Variants in FBXO4 observed in about 807,000 individuals in gnomAD.
FBXO4 encodes F-box only protein 4.
Under a neutral mutation model 43.7 loss-of-function variants are expected in FBXO4, and 36 were observed. The ratio of observed to expected loss-of-function variants is 0.82; its 90% CI spans 0.63 to 1.09. The LOEUF (loss-of-function observed/expected upper bound fraction) is 1.09, where lower values mean the gene tolerates loss of function less well. FBXO4 is among the 50% of genes least tolerant of loss of function. The pLI, the probability that FBXO4 is intolerant of heterozygous loss-of-function variation, is 0.00. For synonymous variants in FBXO4, 180 were observed against 165.6 expected (o/e 1.09, Z -0.67); for missense variants, 435 against 474.1 (o/e 0.92, Z 0.77).
the FBXO4 span, among the ~76,000 whole-genome samples, chr5:41,973,806 G>A: frequency 3.3e-5 from 5 of 152,192 alleles, no homozygotes; most frequent in Admixed American, 2.6e-4. Context: ...AATACATAAT[G>A]GGTTGATAAT....
chr5:41,927,585 A>C (rs1286432889), intron 2 of FBXO4, among the ~76,000 whole-genome samples: 1 of 152,244 alleles, frequency 6.6e-6, no homozygotes, highest in Non-Finnish European at 1.5e-5. Flanking sequence ...AAGGATGATC[A>C]GAGACCCCTG....
chr5:41,996,372 C>T, the FBXO4 span, among the ~76,000 whole-genome samples: 10 of 152,154 alleles, frequency 6.6e-5, no homozygotes, highest in Non-Finnish European at 1.0e-4. Flanking sequence ...CAAGAGCTGT[C>T]ACTCAAAAGG....
chr5:41,936,861 C>T (rs773319588), intron 5 of FBXO4, among the ~76,000 whole-genome samples: 1 of 150,550 alleles, frequency 6.6e-6, no homozygotes, highest in African/African-American at 2.4e-5. Context: ...CTTAAAGGGA[C>T]AAATAGTAAA....
At chr5:41,944,121 G>A (rs917972586), downstream of FBXO4, among the ~76,000 whole-genome samples, 2 of 152,140 alleles carry the variant, frequency 1.3e-5, no homozygotes, top group Non-Finnish European at 2.9e-5. Flanking sequence ...CACTAAAATG[G>A]TAACCCAATG....
At chr5:41,957,744 T>C in the FBXO4 span, among the ~76,000 whole-genome samples, 112 of 151,982 alleles carry the variant, frequency 7.4e-4, no homozygotes, top group East Asian at 1.9e-4. Flanking sequence ...TTGTTGACTT[T>C]TTCCTCTCTT....
the FBXO4 span, among the ~76,000 whole-genome samples, chr5:42,020,673 T>C: frequency 6.6e-6 from 1 of 152,192 alleles, no homozygotes; most frequent in Non-Finnish European, 1.5e-5. Flanking sequence ...AGCTTTCTGT[T>C]TGCATTCCGG....
chr5:42,025,645 C>A, the FBXO4 span, among the ~76,000 whole-genome samples: 1 of 151,784 alleles, frequency 6.6e-6, no homozygotes, highest in Admixed American at 6.6e-5. Flanking sequence ...TTTTCCCCAG[C>A]ATTTTATTGT....
chr5:41,930,646 A>ATTTT (rs1025761351), intron 3 of FBXO4, among the ~76,000 whole-genome samples: 8 of 148,884 alleles, frequency 5.4e-5, no homozygotes, highest in African/African-American at 1.8e-4. Context: ...CGAGAACTAC[A>ATTTT]TTTTTTTCTT....
chr5:41,930,304 T>TAA (rs34162593), intron 3 of FBXO4: 402 of 156,804 alleles, frequency 2.6e-3, no homozygotes, highest in African/African-American at 8.6e-3. Flanking sequence ...CTCTTTCTAT[T>TAA]AAAAAAAATG....
the FBXO4 span, among the ~76,000 whole-genome samples, chr5:42,034,502 A>C: frequency 6.6e-6 from 1 of 152,090 alleles, no homozygotes; most frequent in East Asian, 1.9e-4. Context: ...TTTGGGTTTT[A>C]CATTTAAGTC....
chr5:41,957,079 A>G, the FBXO4 span, among the ~76,000 whole-genome samples: 1 of 151,918 alleles, frequency 6.6e-6, no homozygotes, highest in Non-Finnish European at 1.5e-5. Flanking sequence ...TGATGGAGTG[A>G]GGTGTGGTTT....
At chr5:41,956,743 T>G in the FBXO4 span, among the ~76,000 whole-genome samples, 1 of 151,184 alleles carries the variant, frequency 6.6e-6, no homozygotes, top group Non-Finnish European at 1.5e-5. Flanking sequence ...GATGGTATTT[T>G]GCTCTGTCAC....
Position 41,933,942 on chromosome 5 carries a change from T to G in FBXO4, c.647-4T>G. The G allele has an allele frequency of 6.2e-7, 1 of 1,606,388 alleles. No homozygotes were observed. Among genetic ancestry groups the G allele is most frequent in the Middle Eastern group, 1.9e-4 (1 of 5,256 alleles). On this transcript the variant is annotated splice_region_variant and splice_polypyrimidine_tract_variant and intron_variant, in intron 3 of 6. Transcript: ENST00000281623. ...GTTTTGGTAACTGTGATTTTCTTTC[T>G]TAGGTATTGGATCAGGAGTCAATTT...
chr5:42,011,249 T>A, the FBXO4 span, among the ~76,000 whole-genome samples: 2 of 152,216 alleles, frequency 1.3e-5, no homozygotes, highest in Admixed American at 6.5e-5. Flanking sequence ...GGGAGGTGTT[T>A]TGGTAATGGA....
chr5:42,034,836 T>C, the FBXO4 span, among the ~76,000 whole-genome samples: 1 of 152,220 alleles, frequency 6.6e-6, no homozygotes, highest in Non-Finnish European at 1.5e-5. Context: ...TAGGATTGTG[T>C]TGTCTATACA....
chr5:41,964,784 C>G, the FBXO4 span, among the ~76,000 whole-genome samples: 3 of 151,840 alleles, frequency 2.0e-5, no homozygotes, highest in Non-Finnish European at 4.4e-5. Flanking sequence ...TGGATATTAG[C>G]CCTTTGTCAG....
the FBXO4 span, among the ~76,000 whole-genome samples, chr5:41,953,841 G>A: frequency 6.6e-6 from 1 of 151,874 alleles, no homozygotes; most frequent in African/African-American, 2.4e-5. Context: ...TTTTGATGGG[G>A]TTGTTTGTTT....
At chr5:41,975,436 A>C in the FBXO4 span, among the ~76,000 whole-genome samples, 1 of 152,146 alleles carries the variant, frequency 6.6e-6, no homozygotes, top group Non-Finnish European at 1.5e-5. Context: ...GTTCTACTGA[A>C]GCAAGAGATC....
At chr5:41,930,878 G>C (rs1451191778) in intron 3 of FBXO4, among the ~76,000 whole-genome samples, 1 of 152,056 alleles carries the variant, frequency 6.6e-6, no homozygotes, top group Non-Finnish European at 1.5e-5. Flanking sequence ...GGATGGTCTC[G>C]ATCTCATGAC....
Sources: gnomAD v4.1 joint callset for allele counts (sites outside exome capture counted in the v4.1 genomes callset) on GRCh38, gnomAD v4.1.1 for gene constraint, MANE v1.5 for transcripts, NCBI Gene and HGNC (gene_info 2026-07-23, HGNC 2026-07-21) for gene names.